The following CTNNA2 variants were observed in gnomAD, a reference collection of about 807,000 sequenced individuals.
The protein encoded by CTNNA2 is catenin alpha-2.
In CTNNA2, 42 loss-of-function variants were observed where a neutral mutation model predicts 101.0. The ratio of observed to expected loss-of-function variants is 0.42; its 90% confidence interval spans 0.32 to 0.54. The LOEUF is 0.54. Ranked by LOEUF, CTNNA2 falls within the 20% of genes least tolerant of loss-of-function variation. The probability of loss-of-function intolerance (pLI) is 0.14; values close to 1 mark genes in which losing one functional copy is unlikely to be tolerated. For missense variants in CTNNA2, 871 were observed against 1,223.1 expected, an observed-to-expected ratio of 0.71 and a Z score of 4.29; for synonymous variants, 450 against 456.4, an observed-to-expected ratio of 0.99 and a Z score of 0.18.
At chr2:80,519,469 C>T (rs1689355584) in intron 9 of CTNNA2, among the ~76,000 whole-genome samples, 1 of 152,184 alleles carries the variant, frequency 6.6e-6, no homozygotes, top group Non-Finnish European at 1.5e-5. Flanking sequence ...TGGATGCTCT[C>T]TACACCCCCT....
chr2:79,391,220 T>C (rs1022064593), intron 4 of CTNNA2, among the ~76,000 whole-genome samples: 2 of 152,172 alleles, frequency 1.3e-5, no homozygotes, highest in Middle Eastern at 3.4e-3. Context: ...GTGAGCTCAC[T>C]TACACATGGA....
intron 4 of CTNNA2, among the ~76,000 whole-genome samples, chr2:79,499,774 T>C (rs1671299882): frequency 6.6e-6 from 1 of 152,226 alleles, no homozygotes; most frequent in Non-Finnish European, 1.5e-5. Context: ...ACATGGAGCC[T>C]TGCAGGCACC....
chr2:80,486,191 A>G (rs1010076887), intron 9 of CTNNA2, among the ~76,000 whole-genome samples: 4 of 152,198 alleles, frequency 2.6e-5, no homozygotes, highest in Admixed American at 1.3e-4. Flanking sequence ...GACACATATC[A>G]ATTGCTTAGG....
chr2:79,329,459 A>G (rs1276039619), intron 3 of CTNNA2, among the ~76,000 whole-genome samples: 2 of 152,178 alleles, frequency 1.3e-5, no homozygotes, highest in Non-Finnish European at 2.9e-5. Context: ...ATCATTAGTG[A>G]GTAACGCTTG....
chr2:80,518,215 T>C (rs1027179831), intron 9 of CTNNA2, among the ~76,000 whole-genome samples: 1 of 152,224 alleles, frequency 6.6e-6, no homozygotes, highest in African/African-American at 2.4e-5. Flanking sequence ...AAATATTATT[T>C]AGTTAAAAGC....
chr2:80,261,331 C>T (rs1434023328), intron 7 of CTNNA2, among the ~76,000 whole-genome samples: 2 of 151,984 alleles, frequency 1.3e-5, no homozygotes, highest in African/African-American at 4.8e-5. Context: ...GGCTTGGTTA[C>T]AGAACCCCGT....
In CTNNA2 at chr2:80,052,650, T is replaced by C. The variant is rs570895522; in HGVS notation, c.1056+142853T>C. ...TTAAGTGTATATTTTTAAACAATTT[T>C]CTTAAAACCAGGTACATTTAGTAAC... On this transcript the variant is annotated intron_variant, in intron 7 of 18. Transcript: ENST00000402739. 1.4e-4 allele frequency among the ~76,000 whole-genome samples: 21 copies of C among 152,368 alleles called. No homozygotes were observed. The East Asian group carries it at 3.3e-3, about 24-fold the overall frequency.
At chr2:80,583,101 C>T (rs1343317231) in intron 14 of CTNNA2, among the ~76,000 whole-genome samples, 1 of 152,176 alleles carries the variant, frequency 6.6e-6, no homozygotes, top group Non-Finnish European at 1.5e-5. Flanking sequence ...TAGAACCATG[C>T]TCAAAGCTAC....
At chr2:79,909,878 A>G (rs778469018) in intron 7 of CTNNA2, 81 bp downstream of exon 7, 18 of 1,384,574 alleles carry the variant, frequency 1.3e-5, no homozygotes, top group Non-Finnish European at 1.8e-5. Context: ...CATAGATAGC[A>G]GGAAAAGAGA....
chr2:79,358,878 C>T (rs1028920287), intron 3 of CTNNA2, among the ~76,000 whole-genome samples: 1 of 152,158 alleles, frequency 6.6e-6, no homozygotes, highest in Non-Finnish European at 1.5e-5. Flanking sequence ...CATTCAGAGA[C>T]TCAGAAGTAG....
At chr2:80,334,816 G>A (rs990128442) in intron 7 of CTNNA2, among the ~76,000 whole-genome samples, 1 of 152,160 alleles carries the variant, frequency 6.6e-6, no homozygotes, top group Non-Finnish European at 1.5e-5. Flanking sequence ...CTCTTGGTCT[G>A]CCCAGGACCG....
At chr2:79,479,080 C>T (rs142033645) in intron 4 of CTNNA2, among the ~76,000 whole-genome samples, 1 of 152,242 alleles carries the variant, frequency 6.6e-6, no homozygotes, top group East Asian at 1.9e-4. Context: ...TCATGATCTC[C>T]AATTTTTCCT....
At chr2:79,460,253 T>C (rs552246107) in intron 4 of CTNNA2, among the ~76,000 whole-genome samples, 6 of 152,302 alleles carry the variant, frequency 3.9e-5, no homozygotes, top group Non-Finnish European at 7.4e-5. Flanking sequence ...TTGTTACACA[T>C]ATACACCATG....
intron 16 of CTNNA2, among the ~76,000 whole-genome samples, chr2:80,607,497 T>A (rs1463159465): frequency 2.0e-5 from 3 of 151,784 alleles, no homozygotes; most frequent in Non-Finnish European, 2.9e-5. Context: ...TTAGCCAGAG[T>A]TGACTCCGGT....
chr2:79,645,261 A>G (rs1223529089), intron 1 of CTNNA2, among the ~76,000 whole-genome samples: 2 of 152,190 alleles, frequency 1.3e-5, no homozygotes, highest in East Asian at 1.9e-4. Context: ...TACTGGGATT[A>G]TAGACGAGAG....
chr2:80,404,379 G>GA (rs1318911196), intron 8 of CTNNA2, among the ~76,000 whole-genome samples: 2 of 151,782 alleles, frequency 1.3e-5, no homozygotes, highest in African/African-American at 4.8e-5. Context: ...ATTATATAGA[G>GA]AAAAAAATAG....
intron 7 of CTNNA2, among the ~76,000 whole-genome samples, chr2:79,965,827 C>CAAAAAAAAAAAAAAAAAAAA (rs10686940): frequency 7.7e-5 from 6 of 77,994 alleles, no homozygotes; most frequent in East Asian, 3.6e-4. Flanking sequence ...GAGACTATGT[C>CAAAAAAAAAAAAAAAAAAAA]AAAAAAAAAA....
chr2:80,133,838 G>A (rs574732593), intron 7 of CTNNA2, among the ~76,000 whole-genome samples: 19 of 152,158 alleles, frequency 1.2e-4, no homozygotes, highest in Middle Eastern at 3.4e-3. Flanking sequence ...AAAAGAAGAA[G>A]AAATGAAAAA....
At chr2:79,558,317 A>G (rs1420334233) in intron 1 of CTNNA2, among the ~76,000 whole-genome samples, 2 of 151,996 alleles carry the variant, frequency 1.3e-5, no homozygotes, top group African/African-American at 4.8e-5. Context: ...ATTATTTTAT[A>G]TCAATAATGC....
Sources: allele counts gnomAD v4.1 joint callset (sites outside exome capture counted in the v4.1 genomes callset), GRCh38; gene constraint gnomAD v4.1.1; transcripts MANE v1.5; gene names NCBI Gene and HGNC (gene_info 2026-07-23, HGNC 2026-07-21).